Variants in TRIM44 observed in about 807,000 individuals in gnomAD.
The protein encoded by TRIM44 is tripartite motif-containing protein 44.
In TRIM44, 13 loss-of-function variants were observed where a neutral mutation model predicts 37.4. That is an observed-to-expected ratio of 0.35 (90% CI 0.23 to 0.55). The LOEUF is 0.55. Among genes scored for constraint, TRIM44 ranks in the 20% least tolerant of loss-of-function variants. The probability of loss-of-function intolerance (pLI) is 0.89; values close to 1 mark genes in which losing one functional copy is unlikely to be tolerated. For missense variants in TRIM44, 426 were observed against 437.2 expected (o/e 0.97, Z 0.23); for synonymous variants, 175 against 157.2 (o/e 1.11, Z -0.85).
Position 35,809,750 on chromosome 11 carries a change from G to A in TRIM44, c.*3365G>A, listed in dbSNP as rs868483207. On this transcript the variant is annotated 3_prime_UTR_variant, in exon 5 of 5. Coordinates refer to ENST00000299413, the MANE Select transcript of TRIM44 (RefSeq NM_017583.6). ...CGCCAGTGTACTCTGTGAGGATGTG[G>A]CAATTCAAAGTCCAGTGAATCTGGA... 1.3e-5 allele frequency: 2 copies of A among 152,192 alleles called. No individual in the cohort carries two copies. Among genetic ancestry groups the A allele is most frequent in the Middle Eastern group, 6.8e-3 (2 of 294 alleles). 9.4% of individuals were successfully genotyped at this position (152,192 alleles called of 1,614,324 possible).
chr11:35,796,254 C>T (rs1853286863), intron 4 of TRIM44, among the ~76,000 whole-genome samples: 4 of 86,928 alleles, frequency 4.6e-5, no homozygotes, highest in South Asian at 5.1e-4. Context: ...GTATCTGCCT[C>T]GCTCGCTCGC....
rs1027338931 is a variant in TRIM44, at chr11:35,814,737, A to G, written c.*8352A>G. 3 of 152,232 alleles carry G rather than the reference A, an allele frequency of 2.0e-5. No homozygotes were observed. The highest frequency in any genetic ancestry group is 2.1e-4 in the South Asian group (1 of 4,816). 9.4% of individuals were successfully genotyped at this position (152,232 alleles called of 1,614,324 possible). ...GTAATGATGAGTTTTGTCACTTGCT[A>G]TAACATTCTCTGTCCGTCTTTTTTC... On this transcript the variant is annotated 3_prime_UTR_variant, in exon 5 of 5. Coordinates refer to ENST00000299413, the MANE Select transcript of TRIM44 (RefSeq NM_017583.6).
chr11:35,734,905 G>C (rs74338266), intron 3 of TRIM44, among the ~76,000 whole-genome samples: 3,640 of 152,314 alleles, frequency 0.024, 75 homozygotes, highest in South Asian at 0.12. Flanking sequence ...TAACTAATAA[G>C]TAACAGAGCT....
chr11:35,755,471 G>C (rs1189429116), intron 4 of TRIM44, among the ~76,000 whole-genome samples: 3 of 151,930 alleles, frequency 2.0e-5, no homozygotes, highest in Non-Finnish European at 4.4e-5. Context: ...TCACTCTGAG[G>C]GTAGTTTCTT....
chr11:35,735,478 A>C (rs1285316828), intron 4 of TRIM44, 33 bp downstream of exon 4: 1 of 1,612,194 alleles, frequency 6.2e-7, no homozygotes, highest in East Asian at 2.2e-5. Flanking sequence ...CTTTTCTCAT[A>C]ATTGAAGTAG....
intron 2 of TRIM44, among the ~76,000 whole-genome samples, chr11:35,693,874 C>T (rs952175382): frequency 2.0e-5 from 3 of 152,066 alleles, no homozygotes; most frequent in Non-Finnish European, 2.9e-5. Flanking sequence ...ACATTTAAAA[C>T]GTTGGAAAGA....
At chr11:35,767,614 T>C (rs1432804969) in intron 4 of TRIM44, among the ~76,000 whole-genome samples, 2 of 152,100 alleles carry the variant, frequency 1.3e-5, no homozygotes, top group African/African-American at 2.4e-5. Flanking sequence ...TATATATATA[T>C]ACATATATAT....
chr11:35,773,716 G>A (rs1852908126), intron 4 of TRIM44, among the ~76,000 whole-genome samples: 2 of 152,134 alleles, frequency 1.3e-5, no homozygotes, highest in Non-Finnish European at 1.5e-5. Flanking sequence ...GTGAGAACGT[G>A]CGGTGTTTGG....
intron 4 of TRIM44, among the ~76,000 whole-genome samples, chr11:35,761,405 C>CTATATATATA (rs1554935236): frequency 6.7e-6 from 1 of 150,282 alleles, no homozygotes; most frequent in Non-Finnish European, 1.5e-5. Flanking sequence ...CTCTCTCTCT[C>CTATATATATA]TATATATATA....
intron 4 of TRIM44, among the ~76,000 whole-genome samples, chr11:35,802,789 A>C (rs1853387304): frequency 6.6e-6 from 1 of 152,162 alleles, no homozygotes; most frequent in African/African-American, 2.4e-5. Flanking sequence ...CAGCCTTTCT[A>C]GTTAGTACCT....
chr11:35,739,959 C>T (rs1852371649), intron 4 of TRIM44, among the ~76,000 whole-genome samples: 1 of 151,916 alleles, frequency 6.6e-6, no homozygotes, highest in Non-Finnish European at 1.5e-5. Flanking sequence ...ATTAGCTGGG[C>T]ATGGTGGCGT....
In TRIM44 at chr11:35,685,041, C is replaced by T. The variant is rs150668244; in HGVS notation, c.670-218C>T. Among the ~76,000 whole-genome samples the T allele has an allele frequency of 4.9e-3, 748 of 152,294 alleles. 21 individuals carry two copies. The highest frequency in any genetic ancestry group is 0.047 in the Admixed American group (718 of 15,306). ...GCCTATACAAATTGTATTTAATTTT[C>T]ATTCCATATAGTTGTGCCAGTCACT... On this transcript the variant is annotated intron_variant, in intron 1 of 4. Coordinates refer to ENST00000299413, the MANE Select transcript of TRIM44 (RefSeq NM_017583.6).
chr11:35,678,925 C>T (rs939451783), intron 1 of TRIM44, among the ~76,000 whole-genome samples: 3 of 152,044 alleles, frequency 2.0e-5, no homozygotes, highest in Admixed American at 6.5e-5. Flanking sequence ...ATTCCATCTT[C>T]TGATCCTTTT....
intron 4 of TRIM44, among the ~76,000 whole-genome samples, chr11:35,768,417 C>T (rs1262084988): frequency 1.3e-5 from 2 of 152,164 alleles, no homozygotes; most frequent in African/African-American, 4.8e-5. Flanking sequence ...AGGGTTCGCA[C>T]TCAACCCAGT....
At chr11:35,735,591 T>C (rs1852317919) in intron 4 of TRIM44, 146 bp downstream of exon 4, 1 of 786,996 alleles carries the variant, frequency 1.3e-6, no homozygotes, top group South Asian at 1.6e-5. Context: ...AGATCTTATT[T>C]TGTAAGACTC....
intron 3 of TRIM44, among the ~76,000 whole-genome samples, chr11:35,734,918 G>T (rs1164138960): frequency 6.6e-6 from 1 of 152,180 alleles, no homozygotes; most frequent in Non-Finnish European, 1.5e-5. Flanking sequence ...ACAGAGCTTG[G>T]ACTAGAATCC....
At chr11:35,675,995 A>G (rs551506044) in intron 1 of TRIM44, among the ~76,000 whole-genome samples, 1 of 152,274 alleles carries the variant, frequency 6.6e-6, no homozygotes, top group East Asian at 1.9e-4. Context: ...TTTACTAAGG[A>G]AAAATGGGAG....
chr11:35,789,180 T>G (rs1359720285), intron 4 of TRIM44, among the ~76,000 whole-genome samples: 1 of 152,154 alleles, frequency 6.6e-6, no homozygotes, highest in African/African-American at 2.4e-5. Flanking sequence ...ATGTTTTAAG[T>G]AGTGAGTGGG....
At chr11:35,699,942 A>T (rs1330861171) in intron 2 of TRIM44, among the ~76,000 whole-genome samples, 1 of 152,178 alleles carries the variant, frequency 6.6e-6, no homozygotes, top group Non-Finnish European at 1.5e-5. Context: ...GCTCAGTGAA[A>T]TAAAAGAGGA....
Sources: allele counts gnomAD v4.1 joint callset (sites outside exome capture counted in the v4.1 genomes callset), GRCh38; gene constraint gnomAD v4.1.1; transcripts MANE v1.5; gene names NCBI Gene and HGNC (gene_info 2026-07-23, HGNC 2026-07-21).